Variants in FER observed in about 807,000 individuals in gnomAD.
FER encodes the protein tyrosine-protein kinase Fer.
In FER, 63 loss-of-function variants were observed where a neutral mutation model predicts 111.0. The observed-to-expected ratio is 0.57, with a 90% CI of 0.46 to 0.70. The LOEUF (loss-of-function observed/expected upper bound fraction) is 0.70, where lower values mean the gene tolerates loss of function less well. Ranked by LOEUF, FER falls within the 30% of genes least tolerant of loss-of-function variation. The probability of loss-of-function intolerance (pLI) is 0.00; values close to 1 mark genes in which losing one functional copy is unlikely to be tolerated. For missense variants in FER, 914 were observed against 954.0 expected (o/e 0.96, Z 0.55); for synonymous variants, 327 against 313.9 (o/e 1.04, Z -0.44).
intron 17 of FER, among the ~76,000 whole-genome samples, chr5:109,124,017 G>C (rs146450307): frequency 1.3e-4 from 20 of 152,168 alleles, no homozygotes; most frequent in Middle Eastern, 3.4e-3. Flanking sequence ...CTGAGTCCAG[G>C]AGTTTGAGTC....
At chr5:108,938,401 CAATG>C (rs903097996) in intron 10 of FER, among the ~76,000 whole-genome samples, 9 of 151,970 alleles carry the variant, frequency 5.9e-5, no homozygotes, top group Admixed American at 5.2e-4. Context: ...AAATGGTTGA[CAATG>C]AGAGTGGAAA....
rs1760589481 is a variant in FER at position 108,835,728 on chromosome 5, G to A, written c.402G>A (p.Glu134=). 2 of 1,567,314 alleles carry A rather than the reference G, an allele frequency of 1.3e-6. No homozygotes were observed. The highest frequency in any genetic ancestry group is 1.7e-4 in the Middle Eastern group (1 of 5,936). ...GACAGGTTACCAAAACAGAATTGGA[G>A]AAGTTAAAATGCAGCTATAGACAAT... ...EMIKVTKTEL[E]KLKCSYRQLI... Residue 134 remains glutamate (E), a synonymous_variant, in exon 5 of 20, where the codon GAG becomes GAA. Transcript: ENST00000281092.
At chr5:108,778,920 T>A (rs537780740) in intron 2 of FER, among the ~76,000 whole-genome samples, 1 of 152,250 alleles carries the variant, frequency 6.6e-6, no homozygotes, top group East Asian at 1.9e-4. Flanking sequence ...TATGTTGTCC[T>A]CTAGGAGTTT....
chr5:108,872,264 T>C (rs201504101), intron 8 of FER, 52 bp downstream of exon 8: 8 of 1,490,326 alleles, frequency 5.4e-6, no homozygotes, highest in Non-Finnish European at 7.3e-6. Context: ...ATTATTGCTT[T>C]ATTGTTGTAC....
intron 5 of FER, among the ~76,000 whole-genome samples, chr5:108,856,720 G>C (rs17472083): frequency 0.067 from 10,157 of 151,938 alleles, 501 homozygotes; most frequent in Non-Finnish European, 0.1. Context: ...TGTAAATGTT[G>C]TTCTTCCACA....
At chr5:108,960,691 A>G (rs1156748582) in intron 13 of FER, among the ~76,000 whole-genome samples, 4 of 152,086 alleles carry the variant, frequency 2.6e-5, no homozygotes, top group Admixed American at 2.6e-4. Context: ...CAATTTGCAA[A>G]TTTATATTTA....
intron 2 of FER, among the ~76,000 whole-genome samples, chr5:108,777,679 G>T (rs114722019): frequency 0.04 from 6,127 of 152,172 alleles, 180 homozygotes; most frequent in South Asian, 0.11. Context: ...ACCTGAGACT[G>T]GGAATTTTAC....
chr5:108,801,598 C>T (rs1756656528), intron 3 of FER, among the ~76,000 whole-genome samples: 1 of 152,218 alleles, frequency 6.6e-6, no homozygotes, highest in Non-Finnish European at 1.5e-5. Flanking sequence ...TTATCACGTA[C>T]TATGCATATA....
intron 17 of FER, among the ~76,000 whole-genome samples, chr5:109,115,389 T>C (rs1239208756): frequency 6.6e-6 from 1 of 152,124 alleles, no homozygotes; most frequent in Non-Finnish European, 1.5e-5. Flanking sequence ...AAACCAGGTA[T>C]TTTCCAAGTA....
At chr5:108,926,774 A>G (rs549507916) in intron 10 of FER, among the ~76,000 whole-genome samples, 1 of 152,286 alleles carries the variant, frequency 6.6e-6, no homozygotes, top group Admixed American at 6.5e-5. Context: ...AAGCCTTTGT[A>G]TTCTCATGGA....
intron 10 of FER, among the ~76,000 whole-genome samples, chr5:108,917,465 T>A (rs1752417576): frequency 1.3e-5 from 2 of 152,200 alleles, no homozygotes. Context: ...TTAACTTTTT[T>A]TCAGATAAGT....
intron 17 of FER, among the ~76,000 whole-genome samples, chr5:109,116,770 CAA>C (rs1227922655): frequency 6.6e-6 from 1 of 152,102 alleles, no homozygotes; most frequent in African/African-American, 2.4e-5. Context: ...TAAGTAAAGA[CAA>C]ACATAGTTTG....
intron 17 of FER, among the ~76,000 whole-genome samples, chr5:109,114,657 G>A (rs1188834402): frequency 6.6e-6 from 1 of 151,916 alleles, no homozygotes; most frequent in African/African-American, 2.4e-5. Flanking sequence ...TATGTAAAAG[G>A]AACATGTCTT....
In FER at chr5:108,897,808, T is replaced by C. The variant is rs754280140; in HGVS notation, c.1196T>C (p.Val399Ala). The C allele has an allele frequency of 3.1e-6, 5 of 1,612,430 alleles. No homozygotes were observed. The South Asian group carries it at 5.5e-5, about 18-fold the overall frequency. ...AATGATGGGAAAGAGCCACCTCCAG[T>C]AGTAAATTATGAAGAAGATGCACGA... ...QENDGKEPPP[V>A]VNYEEDARSV... The change falls in exon 10 of 20, where the codon GTA becomes GCA. Residue 399 changes from valine (V) to alanine (A), a missense_variant. Val to Ala is a moderately conservative substitution (Grantham distance 64). This residue lies in a region of FER where 774 missense variants were observed against 782.6 expected (regional missense o/e 0.99). Coordinates refer to ENST00000281092, the MANE Select transcript of FER (RefSeq NM_005246.4).
intron 13 of FER, among the ~76,000 whole-genome samples, chr5:108,976,076 C>A (rs1477149352): frequency 6.6e-6 from 1 of 152,048 alleles, no homozygotes; most frequent in African/African-American, 2.4e-5. Context: ...GAGAAAATAC[C>A]TGAAGGTTTG....
intron 17 of FER, among the ~76,000 whole-genome samples, chr5:109,142,545 C>A (rs1397313656): frequency 6.6e-6 from 1 of 152,062 alleles, no homozygotes; most frequent in Non-Finnish European, 1.5e-5. Context: ...GAAAGGCATA[C>A]TTTTGAGGAA....
chr5:109,016,031 C>A (rs77363713), intron 13 of FER, among the ~76,000 whole-genome samples: 1 of 151,972 alleles, frequency 6.6e-6, no homozygotes, highest in African/African-American at 2.4e-5. Context: ...TTAAGGGTTA[C>A]TATTAGTGAG....
At chr5:108,810,567 A>G (rs955136110) in intron 3 of FER, among the ~76,000 whole-genome samples, 1 of 152,120 alleles carries the variant, frequency 6.6e-6, no homozygotes, top group Admixed American at 6.5e-5. Context: ...CCGGGGAGGG[A>G]GAGTTGGCCA....
At chr5:108,949,251 C>T (rs1274508078) in intron 11 of FER, among the ~76,000 whole-genome samples, 1 of 151,864 alleles carries the variant, frequency 6.6e-6, no homozygotes, top group South Asian at 2.1e-4. Flanking sequence ...TTAGTGTTCT[C>T]CTTTGAGTCT....
Sources: allele counts gnomAD v4.1 joint callset (sites outside exome capture counted in the v4.1 genomes callset), GRCh38; gene constraint gnomAD v4.1.1; regional missense constraint gnomAD v4.1.1; transcripts MANE v1.5; gene names NCBI Gene and HGNC (gene_info 2026-07-23, HGNC 2026-07-21).